Variants in DEPTOR observed in about 807,000 individuals in gnomAD.
The protein encoded by DEPTOR is DEP domain-containing mTOR-interacting protein.
A neutral mutation model predicts 41.6 loss-of-function variants in DEPTOR; 41 were observed. That is an observed-to-expected ratio of 0.98 (90% CI 0.77 to 1.28). The LOEUF (loss-of-function observed/expected upper bound fraction) is 1.28, where lower values mean the gene tolerates loss of function less well. Ranked by LOEUF, DEPTOR falls within the 50% of genes most tolerant of loss-of-function variation. DEPTOR has a pLI of 0.00. For missense variants in DEPTOR, 514 were observed against 527.9 expected, an observed-to-expected ratio of 0.97 and a Z score of 0.26; for synonymous variants, 195 against 192.3, an observed-to-expected ratio of 1.01 and a Z score of -0.12.
At chr8:119,900,058 C>T (rs186426062) in intron 1 of DEPTOR, among the ~76,000 whole-genome samples, 216 of 152,072 alleles carry the variant, frequency 1.4e-3, no homozygotes, top group Non-Finnish European at 2.3e-3. Flanking sequence ...CAGTGGCTCA[C>T]GCTTGTAATC....
intron 8 of DEPTOR, among the ~76,000 whole-genome samples, chr8:120,046,218 T>G (rs1403610779): frequency 6.6e-6 from 1 of 152,184 alleles, no homozygotes; most frequent in Non-Finnish European, 1.5e-5. Context: ...TACCATGCAA[T>G]TTATCCATGT....
At chr8:119,907,091 GT>G (rs1384907255) in intron 1 of DEPTOR, among the ~76,000 whole-genome samples, 2 of 152,068 alleles carry the variant, frequency 1.3e-5, no homozygotes, top group Non-Finnish European at 2.9e-5. Context: ...ATATTTTTCT[GT>G]TTGACTTTTG....
At chr8:119,966,686 A>C (rs1449707348) in intron 4 of DEPTOR, among the ~76,000 whole-genome samples, 1 of 152,184 alleles carries the variant, frequency 6.6e-6, no homozygotes, top group Admixed American at 6.6e-5. Context: ...CATGTTGGCC[A>C]GGCTGGCCTC....
At chr8:119,900,862 G>A (rs1160227729) in intron 1 of DEPTOR, among the ~76,000 whole-genome samples, 1 of 152,088 alleles carries the variant, frequency 6.6e-6, no homozygotes, top group African/African-American at 2.4e-5. Context: ...AACTACATTT[G>A]TTATATAAAT....
intron 4 of DEPTOR, among the ~76,000 whole-genome samples, chr8:119,997,000 C>T (rs1208699540): frequency 1.3e-5 from 2 of 152,150 alleles, no homozygotes; most frequent in African/African-American, 4.8e-5. Context: ...AAGAGAGCCA[C>T]ATTGGTAGCT....
rs1172358963 is a variant in DEPTOR, at chr8:120,002,811, T to TATATATATATATATATATATATAA, written c.791-165_791-164insTATATATATATATATATATATAAA. Among the ~76,000 whole-genome samples, 5 of 131,200 alleles carry TATATATATATATATATATATATAA rather than the reference T, an allele frequency of 3.8e-5. 1 individual carries two copies. The highest frequency in any genetic ancestry group is 1.6e-5 in the Non-Finnish European group (1 of 62,572). The allele number at this position is 131,200 out of a possible 152,430, so 86.1% of individuals were successfully genotyped here. A position where few individuals can be genotyped will look rare whatever the true frequency, so the allele number is the denominator to read the frequency against. On this transcript the variant is annotated intron_variant, in intron 5 of 8. Coordinates refer to ENST00000286234, the MANE Select transcript of DEPTOR (RefSeq NM_022783.4). ...AAAAAAATATATATATATATATATA[T>TATATATATATATATATATATATAA]AATATAAAGTAAGTGGCAGAGCTGC...
intron 8 of DEPTOR, among the ~76,000 whole-genome samples, chr8:120,039,251 A>G (rs1010051863): frequency 6.6e-6 from 1 of 152,184 alleles, no homozygotes; most frequent in African/African-American, 2.4e-5. Flanking sequence ...CTCACCAGAC[A>G]CCTGCCAGCA....
intron 3 of DEPTOR, among the ~76,000 whole-genome samples, chr8:119,959,144 T>TTCTTTCTTTC (rs1469762720): frequency 6.7e-6 from 1 of 148,960 alleles, no homozygotes; most frequent in Non-Finnish European, 1.5e-5. Flanking sequence ...CTATTTCTTT[T>TTCTTTCTTTC]TCTTTCTTTC....
intron 6 of DEPTOR, among the ~76,000 whole-genome samples, chr8:120,003,444 A>C (rs1048139295): frequency 1.4e-4 from 22 of 152,020 alleles, no homozygotes; most frequent in Non-Finnish European, 2.4e-4. Context: ...CCCTGGGAGG[A>C]GGGCATGACC....
In DEPTOR at chr8:120,029,266, T is replaced by C. The variant is rs1343436524; in HGVS notation, c.1101+20133T>C. ...CTTGTATCCTAGAAAGCCCCTACTG[T>C]TCTCTTTGGGCAACGGACATTTTTT... On this transcript the variant is annotated intron_variant, in intron 8 of 8. Transcript: ENST00000286234. 3.9e-5 allele frequency among the ~76,000 whole-genome samples: 6 copies of C among 152,254 alleles called. No individual in the cohort carries two copies. The South Asian group carries it at 1.2e-3, about 32-fold the overall frequency.
intron 1 of DEPTOR, among the ~76,000 whole-genome samples, chr8:119,919,868 G>T (rs1287742238): frequency 6.6e-6 from 1 of 152,212 alleles, no homozygotes; most frequent in Non-Finnish European, 1.5e-5. Context: ...ACAGTTCTCT[G>T]CAAGCTATTT....
intron 3 of DEPTOR, 99 bp from the exon 4 acceptor site, chr8:119,965,133 G>T: frequency 7.6e-7 from 1 of 1,318,092 alleles, no homozygotes; most frequent in South Asian, 1.5e-5. Flanking sequence ...CTGTCTGTCT[G>T]ACAACTTTGC....
At chr8:119,890,982 A>G (rs1009798129) in intron 1 of DEPTOR, 1 of 152,214 alleles carries the variant, frequency 6.6e-6, no homozygotes. Flanking sequence ...AGGGCAATAT[A>G]TAGAATGGTT....
At chr8:119,990,418 A>G (rs1314265047) in intron 4 of DEPTOR, among the ~76,000 whole-genome samples, 2 of 151,610 alleles carry the variant, frequency 1.3e-5, no homozygotes, top group Non-Finnish European at 2.9e-5. Flanking sequence ...CAGCCTCCCA[A>G]AGTGCGGGAT....
intron 2 of DEPTOR, 65 bp from the exon 3 acceptor site, chr8:119,929,750 G>C: frequency 1.3e-6 from 2 of 1,546,414 alleles, no homozygotes; most frequent in East Asian, 2.3e-5. Context: ...ATCATACTTC[G>C]CTTGAGTAAT....
intron 3 of DEPTOR, among the ~76,000 whole-genome samples, chr8:119,935,907 T>A (rs1234688382): frequency 6.6e-6 from 1 of 152,040 alleles, no homozygotes; most frequent in African/African-American, 2.4e-5. Context: ...ATCTTCAAAC[T>A]TAGAAGAGAC....
chr8:119,928,564 G>A lies in DEPTOR; in HGVS notation c.287G>A (p.Gly96Asp), dbSNP rs1018353484. The change falls in exon 2 of 9, where the codon GGC (glycine) becomes GAC (aspartate). Residue 96 changes from glycine (G) to aspartate (D), a missense_variant. By Grantham distance (94) the Gly-to-Asp change is moderately conservative. Transcript: ENST00000286234. ...CTCATGCAGAAATTAGCAGACCGGG[G>A]CATTATTCACCATGGTGAGTGCGGT... ...IKLMQKLADR[G>D]IIHHVCDEHK... 6.2e-7 allele frequency: 1 copy of A among 1,613,854 alleles called. No homozygotes were observed. Among genetic ancestry groups the A allele is most frequent in the Non-Finnish European group, 8.5e-7 (1 of 1,179,902 alleles).
At chr8:119,882,420 G>A (rs1400841516) in intron 1 of DEPTOR, among the ~76,000 whole-genome samples, 3 of 149,762 alleles carry the variant, frequency 2.0e-5, no homozygotes, top group African/African-American at 4.9e-5. Context: ...TATTTTTTTA[G>A]ACAGTGTCTC....
chr8:120,036,179 T>C (rs999159346), intron 8 of DEPTOR, among the ~76,000 whole-genome samples: 1 of 152,204 alleles, frequency 6.6e-6, no homozygotes, highest in Non-Finnish European at 1.5e-5. Context: ...AACAGAGCTT[T>C]GATTGATTGG....
Sources: allele counts gnomAD v4.1 joint callset (sites outside exome capture counted in the v4.1 genomes callset), GRCh38; gene constraint gnomAD v4.1.1; transcripts MANE v1.5; gene names NCBI Gene and HGNC (gene_info 2026-07-23, HGNC 2026-07-21).